Variants in GPR39 observed in about 807,000 individuals in gnomAD.
The protein encoded by GPR39 is G protein-coupled receptor 39.
A neutral mutation model predicts 18.4 loss-of-function variants in GPR39; 23 were observed. The observed-to-expected ratio is 1.25, with a 90% CI of 0.90 to 1.77. GPR39 has a LOEUF of 1.77. Ranked by LOEUF, GPR39 falls within the 40% of genes most tolerant of loss-of-function variation. The pLI is 0.00. For missense variants in GPR39, 647 were observed against 602.4 expected (o/e 1.07, Z -0.78); for synonymous variants, 280 against 257.9 (o/e 1.09, Z -0.82).
At chr2:132,463,567 A>G (rs2104778482) in intron 1 of GPR39, among the ~76,000 whole-genome samples, 1 of 152,212 alleles carries the variant, frequency 6.6e-6, no homozygotes, top group East Asian at 1.9e-4. Flanking sequence ...TTAATAGGGA[A>G]AGACAGGAGA....
intron 1 of GPR39, among the ~76,000 whole-genome samples, chr2:132,622,039 G>A (rs1681450696): frequency 2.0e-5 from 3 of 152,192 alleles, no homozygotes; most frequent in African/African-American, 7.2e-5. Context: ...TACTCCTGCT[G>A]AGGTGAGGGG....
intron 1 of GPR39, among the ~76,000 whole-genome samples, chr2:132,543,992 A>G (rs1199246388): frequency 1.3e-5 from 2 of 152,188 alleles, no homozygotes; most frequent in Non-Finnish European, 2.9e-5. Context: ...CCATGGCATG[A>G]CTTTCTCCAG....
intron 1 of GPR39, among the ~76,000 whole-genome samples, chr2:132,616,877 C>T (rs886459665): frequency 2.0e-5 from 3 of 152,216 alleles, no homozygotes; most frequent in Non-Finnish European, 4.4e-5. Flanking sequence ...CGCTTTCTTT[C>T]TCTCAATGCC....
chr2:132,571,118 C>A (rs759863569), intron 1 of GPR39, among the ~76,000 whole-genome samples: 8 of 152,168 alleles, frequency 5.3e-5, no homozygotes, highest in Non-Finnish European at 1.2e-4. Context: ...CACCTTCATC[C>A]CCACTCTGTC....
chr2:132,515,517 C>T lies in GPR39; in HGVS notation c.856+97619C>T, dbSNP rs187481810. On this transcript the variant is annotated intron_variant, in intron 1 of 1. Coordinates refer to ENST00000329321, the MANE Select transcript of GPR39 (RefSeq NM_001508.3). ...GTGATGTTTATCAGGTATCAGAATG[C>T]AATATCCCCAAATATGGTACCTTGG... 6.6e-5 allele frequency among the ~76,000 whole-genome samples: 10 copies of T among 152,278 alleles called. No individual in the cohort carries two copies. In the East Asian group the frequency reaches 1.5e-3, roughly 24 times the overall value.
rs139929782 is a variant in GPR39, at chr2:132,537,500, ATTT to A, written c.857-107587_857-107585del. ...ACCTTTCTCTGTGGCTTCCCTTAAC[ATTT>A]TTTTTTTTTTTTTCATTTCGACCTT... On this transcript the variant is annotated intron_variant, in intron 1 of 1. Transcript: ENST00000329321. Among the ~76,000 whole-genome samples the A allele has an allele frequency of 5.9e-3, 804 of 136,976 alleles. 19 individuals are homozygous for A. The highest frequency in any genetic ancestry group is 0.053 in the East Asian group (256 of 4,802). The allele number at this position is 136,976 out of a possible 152,430, so 89.9% of individuals were successfully genotyped here.
At chr2:132,453,289 G>C (rs551151691) in intron 1 of GPR39, among the ~76,000 whole-genome samples, 34 of 152,316 alleles carry the variant, frequency 2.2e-4, no homozygotes, top group South Asian at 1.0e-3. Flanking sequence ...CTTTTGAGAA[G>C]TGTCTGTTCA....
intron 1 of GPR39, among the ~76,000 whole-genome samples, chr2:132,584,223 G>A (rs188777921): frequency 6.6e-6 from 1 of 152,250 alleles, no homozygotes; most frequent in African/African-American, 2.4e-5. Context: ...CCTTTATGGA[G>A]GCTCTGGGGG....
At chr2:132,429,807 T>G (rs1208124909) in intron 1 of GPR39, among the ~76,000 whole-genome samples, 1 of 152,240 alleles carries the variant, frequency 6.6e-6, no homozygotes, top group Non-Finnish European at 1.5e-5. Context: ...ATAGCCTCAT[T>G]TCTGGATGAA....
At chr2:132,443,012 T>C (rs1030350374) in intron 1 of GPR39, among the ~76,000 whole-genome samples, 2 of 152,244 alleles carry the variant, frequency 1.3e-5, no homozygotes, top group African/African-American at 4.8e-5. Context: ...TAGCTTTAAA[T>C]ATCTCTGATA....
At chr2:132,609,904 C>T (rs1681211100) in intron 1 of GPR39, among the ~76,000 whole-genome samples, 1 of 152,064 alleles carries the variant, frequency 6.6e-6, no homozygotes, top group Admixed American at 6.6e-5. Context: ...CTACAGCCAG[C>T]CTGACCTTCC....
At chr2:132,437,335 T>G (rs763048757) in intron 1 of GPR39, among the ~76,000 whole-genome samples, 1 of 152,196 alleles carries the variant, frequency 6.6e-6, no homozygotes, top group Non-Finnish European at 1.5e-5. Flanking sequence ...TGATCATGAG[T>G]AAGTCTGACA....
At chr2:132,627,053 G>C (rs536180278) in intron 1 of GPR39, among the ~76,000 whole-genome samples, 28 of 152,240 alleles carry the variant, frequency 1.8e-4, no homozygotes, top group East Asian at 7.7e-4. Context: ...AGAGTTACAG[G>C]CTTGTTTTCC....
chr2:132,533,083 A>G lies in GPR39; in HGVS notation c.857-112018A>G, dbSNP rs916973383. Among the ~76,000 whole-genome samples, 13 of 152,166 alleles carry G rather than the reference A, an allele frequency of 8.5e-5. No individual in the cohort carries two copies. The South Asian group carries it at 1.2e-3, about 15-fold the overall frequency. ...CCCTGTTTGCAGATGACATGATTGT[A>G]TATCTAGAAAACCCCATCGTCTCAG... is the stretch of plus-strand genomic sequence containing the variant. On this transcript the variant is annotated intron_variant, in intron 1 of 1. Transcript: ENST00000329321.
chr2:132,574,948 TTCC>T (rs1161887212), intron 1 of GPR39, among the ~76,000 whole-genome samples: 2 of 152,220 alleles, frequency 1.3e-5, no homozygotes, highest in Non-Finnish European at 2.9e-5. Context: ...TGACTGAGGT[TTCC>T]TCCTGAAAGC....
intron 1 of GPR39, among the ~76,000 whole-genome samples, chr2:132,610,320 CAAG>C (rs1200020731): frequency 1.3e-5 from 2 of 152,148 alleles, no homozygotes; most frequent in African/African-American, 4.8e-5. Flanking sequence ...AGTCATCACA[CAAG>C]AACATGAAGC....
chr2:132,471,104 A>G (rs1401777496), intron 1 of GPR39, among the ~76,000 whole-genome samples: 1 of 152,066 alleles, frequency 6.6e-6, no homozygotes, highest in South Asian at 2.1e-4. Context: ...GGGCAGTGGG[A>G]GTGTGGGGCA....
intron 1 of GPR39, among the ~76,000 whole-genome samples, chr2:132,451,180 C>T (rs1486590099): frequency 1.5e-4 from 10 of 67,214 alleles, no homozygotes; most frequent in South Asian, 6.9e-4. Flanking sequence ...TGTGTGCACG[C>T]GCGTGAAATG....
intron 1 of GPR39, among the ~76,000 whole-genome samples, chr2:132,640,077 C>T (rs1681832540): frequency 6.6e-6 from 1 of 152,154 alleles, no homozygotes; most frequent in South Asian, 2.1e-4. Flanking sequence ...AGGCTGGTCT[C>T]AAGGTCTCCT....
Sources: allele counts gnomAD v4.1 joint callset (sites outside exome capture counted in the v4.1 genomes callset), GRCh38; gene constraint gnomAD v4.1.1; transcripts MANE v1.5; gene names NCBI Gene and HGNC (gene_info 2026-07-23, HGNC 2026-07-21).